OR9Q1: variants seen among roughly 807,000 people sequenced by gnomAD.
The protein encoded by OR9Q1 is olfactory receptor 9Q1.
For synonymous variants in OR9Q1, 153 were observed against 148.6 expected, an observed-to-expected ratio of 1.03 and a Z score of -0.22; for missense variants, 374 against 378.8, an observed-to-expected ratio of 0.99 and a Z score of 0.11.
chr11:58,082,263 A>G (rs1056173880), intron 2 of OR9Q1, among the ~76,000 whole-genome samples: 4 of 151,670 alleles, frequency 2.6e-5, no homozygotes, highest in Non-Finnish European at 5.9e-5. Context: ...CATTACTGGG[A>G]ATATACCCAA....
intron 2 of OR9Q1, among the ~76,000 whole-genome samples, chr11:58,106,775 G>A (rs1260458389): frequency 6.6e-6 from 1 of 151,968 alleles, no homozygotes; most frequent in South Asian, 2.1e-4. Context: ...GTGTATTCTC[G>A]GCACCTTTGT....
At chr11:58,076,942 C>T (rs1348092754) in intron 2 of OR9Q1, among the ~76,000 whole-genome samples, 1 of 152,212 alleles carries the variant, frequency 6.6e-6, no homozygotes, top group South Asian at 2.1e-4. Context: ...TGAAATCTTC[C>T]CCTTTTAACA....
intron 1 of OR9Q1, among the ~76,000 whole-genome samples, chr11:58,045,841 A>G (rs1794003303): frequency 6.6e-6 from 1 of 152,164 alleles, no homozygotes; most frequent in Non-Finnish European, 1.5e-5. Flanking sequence ...GGGTGTCTAA[A>G]CCTCAGCACT....
At chr11:58,036,657 C>A (rs1853103347) in intron 1 of OR9Q1, among the ~76,000 whole-genome samples, 1 of 152,106 alleles carries the variant, frequency 6.6e-6, no homozygotes, top group Non-Finnish European at 1.5e-5. Context: ...TTGATTCCAA[C>A]CCTTATGGAT....
chr11:58,070,926 A>T (rs953986740), intron 2 of OR9Q1, among the ~76,000 whole-genome samples: 2 of 152,138 alleles, frequency 1.3e-5, no homozygotes, highest in Admixed American at 6.5e-5. Flanking sequence ...TCTGCTACCC[A>T]CAGATGTCCC....
chr11:58,164,040 T>C (rs1854478785), intron 2 of OR9Q1, among the ~76,000 whole-genome samples: 1 of 152,176 alleles, frequency 6.6e-6, no homozygotes, highest in Non-Finnish European at 1.5e-5. Context: ...AGACCCACAC[T>C]GGCCACGGAT....
intron 2 of OR9Q1, among the ~76,000 whole-genome samples, chr11:58,082,206 A>G (rs1853593844): frequency 1.3e-5 from 2 of 152,106 alleles, no homozygotes. Flanking sequence ...CGGTGTGGCA[A>G]TTCCTCAGGG....
rs77962108 is a variant in OR9Q1, at chr11:58,135,940, C to T, written c.-14-43491C>T. On this transcript the variant is annotated intron_variant, in intron 2 of 2. Coordinates refer to ENST00000335397, the MANE Select transcript of OR9Q1 (RefSeq NM_001005212.4). ...CTTCCCATGCACTTTCTTGTTCAAT[C>T]CACAGTAGCCTTTGGGTTCTTAGCC... Among the ~76,000 whole-genome samples the T allele has an allele frequency of 3.2e-3, 484 of 152,332 alleles. 1 individual carries two copies. Among genetic ancestry groups the T allele is most frequent in the Middle Eastern group, 0.014 (4 of 294 alleles).
intron 2 of OR9Q1, among the ~76,000 whole-genome samples, chr11:58,161,880 T>A (rs555453127): frequency 7.2e-4 from 109 of 152,264 alleles, no homozygotes; most frequent in African/African-American, 2.5e-3. Context: ...AACTGTTATA[T>A]CCAATTAATC....
At chr11:58,115,673 C>T (rs899570684) in intron 2 of OR9Q1, among the ~76,000 whole-genome samples, 3 of 152,086 alleles carry the variant, frequency 2.0e-5, no homozygotes, top group African/African-American at 4.8e-5. Context: ...CTGACATGGG[C>T]GTCGAACCCA....
At chr11:58,140,385 G>A (rs570691570) in intron 2 of OR9Q1, among the ~76,000 whole-genome samples, 98 of 152,250 alleles carry the variant, frequency 6.4e-4, no homozygotes, top group Middle Eastern at 3.4e-3. Flanking sequence ...GAATGGTATT[G>A]CCTAGGTTTT....
intron 2 of OR9Q1, among the ~76,000 whole-genome samples, chr11:58,056,996 T>G (rs911538184): frequency 7.0e-6 from 1 of 142,640 alleles, no homozygotes; most frequent in Non-Finnish European, 1.5e-5. Context: ...GGTTTTTTTT[T>G]TTTTTTTTTT....
At chr11:58,043,515 G>A (rs545908137) in intron 1 of OR9Q1, among the ~76,000 whole-genome samples, 12 of 152,284 alleles carry the variant, frequency 7.9e-5, no homozygotes, top group African/African-American at 2.6e-4. Context: ...AGTCCAGCAG[G>A]TAAAGTCCTC....
chr11:58,055,971 T>G (rs183128374), intron 2 of OR9Q1, 24 bp downstream of exon 2: 2 of 152,440 alleles, frequency 1.3e-5, no homozygotes, highest in East Asian at 3.9e-4. Context: ...TTCTATTATT[T>G]ATAAGTTACC....
At position 58,085,566 on chromosome 11, in the gene OR9Q1, C is replaced by G. The variant is rs546390272; in HGVS notation, c.-15+29619C>G. ...GCAAAAACTCCTTATTTCCTCTCCC[C>G]CAAAACCTGGGCAAATACCTCTCTA... is the stretch of plus-strand genomic sequence containing the variant. On this transcript the variant is annotated intron_variant, in intron 2 of 2. Coordinates refer to ENST00000335397, the MANE Select transcript of OR9Q1 (RefSeq NM_001005212.4). Among the ~76,000 whole-genome samples the G allele has an allele frequency of 6.6e-5, 10 of 151,818 alleles. No individual in the cohort carries two copies. The East Asian group carries it at 1.2e-3, about 18-fold the overall frequency.
At chr11:58,113,880 A>T (rs1853925374) in intron 2 of OR9Q1, among the ~76,000 whole-genome samples, 1 of 152,220 alleles carries the variant, frequency 6.6e-6, no homozygotes, top group Non-Finnish European at 1.5e-5. Flanking sequence ...ATTTCCAAGC[A>T]TAATATAATT....
chr11:58,110,801 A>T (rs182651013), intron 2 of OR9Q1, among the ~76,000 whole-genome samples: 3 of 152,190 alleles, frequency 2.0e-5, no homozygotes, highest in African/African-American at 7.2e-5. Flanking sequence ...CAGGCTGATT[A>T]TTCCCTTTCT....
Position 58,179,418 on chromosome 11 carries a change from C to T in OR9Q1, c.-14-13C>T, listed in dbSNP as rs1854637425. On this transcript the variant is annotated splice_polypyrimidine_tract_variant and intron_variant, in intron 2 of 2. Transcript: ENST00000335397. ...GCACCTTCCTAACTTGCTTCCCATT[C>T]TACATGTCTCAGGGACCACTGGTGT... 6.8e-7 allele frequency: 1 copy of T among 1,475,544 alleles called. No individual in the cohort carries two copies. Among genetic ancestry groups the T allele is most frequent in the South Asian group, 1.3e-5 (1 of 75,686 alleles). 91.4% of individuals were successfully genotyped at this position (1,475,544 alleles called of 1,614,324 possible).
chr11:58,046,061 C>T lies in OR9Q1; in HGVS notation c.-92-9809C>T, dbSNP rs575695750. ...GCAACTGAGATTCAGATCATGCTTG[C>T]AGAATGAATTTCCTTAGAAAGGTCT... On this transcript the variant is annotated intron_variant, in intron 1 of 2. Coordinates refer to ENST00000335397, the MANE Select transcript of OR9Q1 (RefSeq NM_001005212.4). Among the ~76,000 whole-genome samples, 4 of 152,296 alleles carry T rather than the reference C, an allele frequency of 2.6e-5. No homozygotes were observed. The East Asian group carries it at 5.8e-4, about 22-fold the overall frequency.
Sources: gnomAD v4.1 joint callset for allele counts (sites outside exome capture counted in the v4.1 genomes callset) on GRCh38, gnomAD v4.1.1 for gene constraint, MANE v1.5 for transcripts, NCBI Gene and HGNC (gene_info 2026-07-23, HGNC 2026-07-21) for gene names.